CNTNAP2: variants seen among roughly 807,000 people sequenced by gnomAD.
The protein encoded by CNTNAP2 is contactin-associated protein-like 2.
Under a neutral mutation model 155.2 loss-of-function variants are expected in CNTNAP2, and 98 were observed. The ratio of observed to expected loss-of-function variants is 0.63; its 90% confidence interval spans 0.54 to 0.75. CNTNAP2 has a LOEUF of 0.75. Among genes scored for constraint, CNTNAP2 ranks in the 30% least tolerant of loss-of-function variants. The pLI is 0.00. For synonymous variants in CNTNAP2, 651 were observed against 631.2 expected, an observed-to-expected ratio of 1.03 and a Z score of -0.47; for missense variants, 1,727 against 1,688.1, an observed-to-expected ratio of 1.02 and a Z score of -0.40.
chr7:146,258,388 TTATC>T (rs1278804124), intron 1 of CNTNAP2, among the ~76,000 whole-genome samples: 3 of 152,204 alleles, frequency 2.0e-5, no homozygotes, highest in Non-Finnish European at 4.4e-5. Flanking sequence ...TACTATTTTA[TTATC>T]TAAGTACAGA....
At chr7:147,976,744 A>G (rs1353100581) in intron 14 of CNTNAP2, among the ~76,000 whole-genome samples, 6 of 152,164 alleles carry the variant, frequency 3.9e-5, no homozygotes, top group Admixed American at 6.6e-5. Flanking sequence ...CAGGCCTCCA[A>G]GTTGGTTCCT....
At chr7:147,678,231 C>T (rs994029536) in intron 13 of CNTNAP2, among the ~76,000 whole-genome samples, 1 of 151,738 alleles carries the variant, frequency 6.6e-6, no homozygotes, top group Non-Finnish European at 1.5e-5. Flanking sequence ...TTCCTCATTG[C>T]CTTGCAGCAG....
intron 8 of CNTNAP2, among the ~76,000 whole-genome samples, chr7:147,215,968 T>C (rs1192357815): frequency 2.0e-5 from 3 of 152,180 alleles, no homozygotes; most frequent in Non-Finnish European, 4.4e-5. Flanking sequence ...TATATGCTTA[T>C]TTGCCATCTG....
At chr7:147,351,274 T>A (rs936356806) in intron 9 of CNTNAP2, among the ~76,000 whole-genome samples, 2 of 151,720 alleles carry the variant, frequency 1.3e-5, no homozygotes, top group Non-Finnish European at 3.0e-5. Context: ...AGAAAAAAAA[T>A]TTAAGCTTAT....
intron 15 of CNTNAP2, among the ~76,000 whole-genome samples, chr7:148,002,894 G>C (rs886652620): frequency 6.6e-6 from 1 of 152,136 alleles, no homozygotes; most frequent in Non-Finnish European, 1.5e-5. Context: ...AATGGCTACT[G>C]TGTAAGTACA....
chr7:146,235,653 G>T (rs531705529), intron 1 of CNTNAP2, among the ~76,000 whole-genome samples: 1 of 152,082 alleles, frequency 6.6e-6, no homozygotes, highest in East Asian at 1.9e-4. Context: ...GATCTCTCTT[G>T]TACTTCCAGC....
intron 15 of CNTNAP2, among the ~76,000 whole-genome samples, chr7:148,083,992 A>G (rs774873310): frequency 2.0e-5 from 3 of 152,182 alleles, no homozygotes; most frequent in Non-Finnish European, 4.4e-5. Flanking sequence ...GTGACCATAG[A>G]TGTAGTATCA....
chr7:148,178,012 A>G (rs529643814), intron 18 of CNTNAP2, among the ~76,000 whole-genome samples: 1 of 152,080 alleles, frequency 6.6e-6, no homozygotes, highest in African/African-American at 2.4e-5. Context: ...GTTGAATCTG[A>G]CTACACTGAA....
At chr7:147,502,445 G>T (rs914121595) in intron 11 of CNTNAP2, among the ~76,000 whole-genome samples, 3 of 152,040 alleles carry the variant, frequency 2.0e-5, no homozygotes. Flanking sequence ...AAAATGAAAT[G>T]TCAAACTCAC....
chr7:147,920,461 C>T (rs558043465), intron 14 of CNTNAP2, among the ~76,000 whole-genome samples: 32 of 151,888 alleles, frequency 2.1e-4, no homozygotes, highest in Admixed American at 3.9e-4. Context: ...TTCCAGCCTA[C>T]GAAGAGGATG....
At chr7:146,827,677 A>G (rs1176350615) in intron 2 of CNTNAP2, among the ~76,000 whole-genome samples, 2 of 152,030 alleles carry the variant, frequency 1.3e-5, no homozygotes, top group East Asian at 3.9e-4. Flanking sequence ...GAAAAAATAC[A>G]AAGTAAAGCA....
At chr7:148,412,478 A>G (rs1349970323) in intron 23 of CNTNAP2, among the ~76,000 whole-genome samples, 2 of 152,224 alleles carry the variant, frequency 1.3e-5, no homozygotes, top group African/African-American at 2.4e-5. Flanking sequence ...ACAGCTTACT[A>G]TTTCATTAAT....
chr7:147,391,326 G>T (rs1421979496), intron 9 of CNTNAP2, among the ~76,000 whole-genome samples: 1 of 152,044 alleles, frequency 6.6e-6, no homozygotes, highest in Non-Finnish European at 1.5e-5. Context: ...TCTTGGCTCT[G>T]CCCTCTGTGT....
At chr7:147,772,930 T>G (rs563461782) in intron 13 of CNTNAP2, among the ~76,000 whole-genome samples, 45 of 152,258 alleles carry the variant, frequency 3.0e-4, no homozygotes, top group Admixed American at 1.0e-3. Flanking sequence ...CCACACCCTC[T>G]TTGACCTGTG....
At chr7:146,352,778 A>G (rs1253308105) in intron 1 of CNTNAP2, among the ~76,000 whole-genome samples, 4 of 51,336 alleles carry the variant, frequency 7.8e-5, no homozygotes, top group South Asian at 4.1e-4. Flanking sequence ...TTTTCGAGAC[A>G]GAGTCTCTCT....
intron 1 of CNTNAP2, among the ~76,000 whole-genome samples, chr7:146,326,860 A>G (rs1224641520): frequency 6.6e-6 from 1 of 152,248 alleles, no homozygotes; most frequent in Non-Finnish European, 1.5e-5. Context: ...TTGGATGTTC[A>G]GTTCTTATGG....
intron 1 of CNTNAP2, among the ~76,000 whole-genome samples, chr7:146,195,724 G>A (rs1798765601): frequency 6.6e-6 from 1 of 152,186 alleles, no homozygotes; most frequent in South Asian, 2.1e-4. Context: ...AGCAGATACT[G>A]AGATACTGAC....
At chr7:147,853,273 A>G (rs1237741307) in intron 13 of CNTNAP2, among the ~76,000 whole-genome samples, 1 of 152,212 alleles carries the variant, frequency 6.6e-6, no homozygotes, top group Non-Finnish European at 1.5e-5. Context: ...TTTTAAAAGA[A>G]GTGCAGATTT....
chr7:146,868,261 A>G (rs1026964964), intron 3 of CNTNAP2, among the ~76,000 whole-genome samples: 6 of 152,098 alleles, frequency 3.9e-5, no homozygotes, highest in African/African-American at 1.2e-4. Flanking sequence ...TCCCAGCACC[A>G]TTTATTGAAG....
Sources: gnomAD v4.1 joint callset for allele counts (sites outside exome capture counted in the v4.1 genomes callset) on GRCh38, gnomAD v4.1.1 for gene constraint, MANE v1.5 for transcripts, NCBI Gene and HGNC (gene_info 2026-07-23, HGNC 2026-07-21) for gene names.